Variants in MYO5A observed in about 807,000 individuals in gnomAD.
MYO5A encodes unconventional myosin-Va.
A neutral mutation model predicts 249.7 loss-of-function variants in MYO5A; 98 were observed. The ratio of observed to expected loss-of-function variants is 0.39; its 90% CI spans 0.33 to 0.46. The LOEUF is 0.46. Among genes scored for constraint, MYO5A ranks in the 20% least tolerant of loss-of-function variants. The pLI, the probability that MYO5A is intolerant of heterozygous loss-of-function variation, is 0.98. For synonymous variants in MYO5A, 778 were observed against 810.6 expected (o/e 0.96, Z 0.68); for missense variants, 1,696 against 2,308.8 (o/e 0.73, Z 5.44).
chr15:52,499,478 A>C (rs377081519), intron 1 of MYO5A, among the ~76,000 whole-genome samples: 6 of 152,306 alleles, frequency 3.9e-5, no homozygotes, highest in East Asian at 3.9e-4. Context: ...ATATCCATTA[A>C]ATGAACGCCC....
chr15:52,448,266 AGATTTAATGACTGTCCTGCTGG>A (rs1325846426), intron 1 of MYO5A, among the ~76,000 whole-genome samples: 2 of 152,222 alleles, frequency 1.3e-5, no homozygotes, highest in Non-Finnish European at 1.5e-5. Flanking sequence ...TGGAACTTTA[AGATTTAATGACTGTCCTGCTGG>A]GATTTAATGA....
chr15:52,419,150 G>A (rs754047769), intron 4 of MYO5A, among the ~76,000 whole-genome samples: 1 of 152,118 alleles, frequency 6.6e-6, no homozygotes, highest in African/African-American at 2.4e-5. Flanking sequence ...ATTGAGTGTT[G>A]TCATGTACCT....
intron 39 of MYO5A, among the ~76,000 whole-genome samples, 198 bp downstream of exon 39, chr15:52,318,862 C>CA (rs1187711481): frequency 1.3e-5 from 2 of 152,168 alleles, no homozygotes; most frequent in Non-Finnish European, 2.9e-5. Context: ...AGGGTACAGA[C>CA]AGGGAGCAAT....
chr15:52,414,306 A>T (rs898636908), intron 5 of MYO5A, among the ~76,000 whole-genome samples: 2 of 152,178 alleles, frequency 1.3e-5, no homozygotes, highest in Non-Finnish European at 2.9e-5. Context: ...AGCCCACAGA[A>T]CCATGAGCTA....
chr15:52,340,152 G>T, intron 32 of MYO5A, 44 bp downstream of exon 32: 1 of 1,599,552 alleles, frequency 6.3e-7, no homozygotes, highest in Non-Finnish European at 8.6e-7. Context: ...AGACTGTCGG[G>T]CAGGCTAGGT....
At chr15:52,360,782 C>T (rs752529885) in intron 24 of MYO5A, among the ~76,000 whole-genome samples, 4 of 152,132 alleles carry the variant, frequency 2.6e-5, no homozygotes, top group African/African-American at 4.8e-5. Flanking sequence ...AGCAACGACA[C>T]ACCCTTCCCT....
At chr15:52,521,535 C>T (rs11854673) in intron 1 of MYO5A, among the ~76,000 whole-genome samples, 22,883 of 152,166 alleles carry the variant, frequency 0.15, 1,829 homozygotes, top group Middle Eastern at 0.22. Flanking sequence ...CACAGTAGTA[C>T]ATTAGGCCAC....
chr15:52,465,156 C>T (rs2076328025), intron 1 of MYO5A, among the ~76,000 whole-genome samples: 1 of 152,146 alleles, frequency 6.6e-6, no homozygotes, highest in African/African-American at 2.4e-5. Flanking sequence ...AATGAGCTGG[C>T]TTTGAGAGGG....
chr15:52,421,216 T>A (rs543170566), intron 4 of MYO5A, among the ~76,000 whole-genome samples: 4 of 152,266 alleles, frequency 2.6e-5, no homozygotes, highest in Admixed American at 2.6e-4. Context: ...TCTCTAATAG[T>A]TTGCAGTTAG....
intron 1 of MYO5A, among the ~76,000 whole-genome samples, chr15:52,474,699 T>C (rs1203072262): frequency 3.9e-5 from 6 of 152,200 alleles, no homozygotes; most frequent in Non-Finnish European, 7.3e-5. Flanking sequence ...ATTTATTGAT[T>C]TGAGTATGTT....
intron 1 of MYO5A, among the ~76,000 whole-genome samples, chr15:52,513,290 G>T (rs1054297981): frequency 2.6e-5 from 4 of 151,436 alleles, no homozygotes; most frequent in African/African-American, 9.7e-5. Flanking sequence ...AATTAGCAGG[G>T]TGTGGTGCCA....
intron 1 of MYO5A, among the ~76,000 whole-genome samples, chr15:52,463,410 A>C (rs1394139029): frequency 2.0e-5 from 3 of 152,218 alleles, no homozygotes; most frequent in Admixed American, 2.0e-4. Context: ...AGTATTTCTT[A>C]AGACATATAA....
rs148087613 is a variant in MYO5A, at chr15:52,447,775, C to T, written c.28-14490G>A. ...CTCATGCTATGCTTTAGGAAAGAGACTGATGGCATTGTGCCCTTGCTCTAG... is the reference window on the plus strand; with the variant it reads ...CTCATGCTATGCTTTAGGAAAGAGATTGATGGCATTGTGCCCTTGCTCTAG... On this transcript the variant is annotated intron_variant, in intron 1 of 41. Transcript: ENST00000399233. Among the ~76,000 whole-genome samples, 14 of 152,344 alleles carry T rather than the reference C, an allele frequency of 9.2e-5. No individual in the cohort carries two copies. In the East Asian group the frequency reaches 1.3e-3, roughly 15 times the overall value.
intron 1 of MYO5A, among the ~76,000 whole-genome samples, chr15:52,523,749 A>C (rs1693507): frequency 0.77 from 117,409 of 152,040 alleles, 46,072 homozygotes; most frequent in South Asian, 0.84. Flanking sequence ...CTAGGAGAAC[A>C]GCAAGTCGTT....
intron 25 of MYO5A, 97 bp downstream of exon 25, chr15:52,359,871 T>C (rs1172290310): frequency 1.2e-6 from 1 of 830,742 alleles, no homozygotes; most frequent in Non-Finnish European, 2.0e-6. Context: ...AAATACTATG[T>C]TTATGGCCAA....
At chr15:52,442,726 C>T (rs2075808036) in intron 1 of MYO5A, among the ~76,000 whole-genome samples, 1 of 151,624 alleles carries the variant, frequency 6.6e-6, no homozygotes, top group Non-Finnish European at 1.5e-5. Context: ...TTCTACTCCA[C>T]TATGCCCACC....
intron 25 of MYO5A, among the ~76,000 whole-genome samples, chr15:52,354,855 CAA>C (rs568281513): frequency 4.8e-4 from 42 of 87,900 alleles, no homozygotes; most frequent in Admixed American, 7.8e-4. Context: ...CTCCATCTCA[CAA>C]AAAAAAAAAA....
At chr15:52,350,995 T>A (rs1429415735) in intron 28 of MYO5A, among the ~76,000 whole-genome samples, 1 of 152,212 alleles carries the variant, frequency 6.6e-6, no homozygotes, top group Non-Finnish European at 1.5e-5. Context: ...GTGGCCAGAT[T>A]ACTACAAAAA....
intron 20 of MYO5A, among the ~76,000 whole-genome samples, chr15:52,373,145 C>T (rs1236453352): frequency 6.6e-6 from 1 of 151,938 alleles, no homozygotes; most frequent in African/African-American, 2.4e-5. Flanking sequence ...ACTAATCTTA[C>T]TTTTGATTTT....
Sources: allele counts gnomAD v4.1 joint callset (sites outside exome capture counted in the v4.1 genomes callset), GRCh38; gene constraint gnomAD v4.1.1; transcripts MANE v1.5; gene names NCBI Gene and HGNC (gene_info 2026-07-23, HGNC 2026-07-21).